ATRNL1: variants seen among roughly 807,000 people sequenced by gnomAD.
The protein encoded by ATRNL1 is attractin-like protein 1.
Under a neutral mutation model 182.7 loss-of-function variants are expected in ATRNL1, and 95 were observed. That is an observed-to-expected ratio of 0.52 (90% confidence interval 0.44 to 0.62). The LOEUF is 0.62. Among genes scored for constraint, ATRNL1 ranks in the 20% least tolerant of loss-of-function variants. The pLI, the probability that ATRNL1 is intolerant of heterozygous loss-of-function variation, is 0.00. For missense variants in ATRNL1, 1,471 were observed against 1,679.5 expected (o/e 0.88, Z 2.17); for synonymous variants, 576 against 568.3 (o/e 1.01, Z -0.19).
intron 20 of ATRNL1, among the ~76,000 whole-genome samples, chr10:115,400,883 G>A (rs187487342): frequency 6.6e-6 from 1 of 151,938 alleles, no homozygotes; most frequent in Non-Finnish European, 1.5e-5. Flanking sequence ...ACGGGTCTTG[G>A]ATCTTTATTC....
At chr10:115,240,932 A>G (rs574902754) in intron 9 of ATRNL1, among the ~76,000 whole-genome samples, 305 of 152,172 alleles carry the variant, frequency 2.0e-3, no homozygotes, top group African/African-American at 7.1e-3. Flanking sequence ...GAGCAAATGT[A>G]CCTATTCATC....
chr10:115,735,194 A>G (rs1370709683), intron 27 of ATRNL1, among the ~76,000 whole-genome samples: 5 of 152,198 alleles, frequency 3.3e-5, no homozygotes, highest in Non-Finnish European at 7.3e-5. Context: ...GTCTTTAAGT[A>G]ATGCCTTTAG....
chr10:115,133,453 G>A (rs1297027499), intron 5 of ATRNL1, among the ~76,000 whole-genome samples: 4 of 151,640 alleles, frequency 2.6e-5, no homozygotes, highest in Admixed American at 6.6e-5. Flanking sequence ...GATAAAGAAG[G>A]CCATTACTTA....
At chr10:115,835,319 C>T (rs1950644840) in intron 27 of ATRNL1, among the ~76,000 whole-genome samples, 1 of 152,138 alleles carries the variant, frequency 6.6e-6, no homozygotes, top group Non-Finnish European at 1.5e-5. Flanking sequence ...TACATTGAAT[C>T]ATTTGAATGC....
chr10:115,556,314 T>C (rs1185447544), intron 26 of ATRNL1, among the ~76,000 whole-genome samples: 1 of 152,174 alleles, frequency 6.6e-6, no homozygotes, highest in Non-Finnish European at 1.5e-5. Context: ...ATGTCATTCA[T>C]ATTTATACAG....
intron 28 of ATRNL1, among the ~76,000 whole-genome samples, chr10:115,851,358 A>AT (rs57234888): frequency 1.1e-4 from 17 of 150,840 alleles, no homozygotes; most frequent in South Asian, 4.2e-4. Flanking sequence ...GCAGCTAGTG[A>AT]TTTTTTTTTT....
At chr10:115,445,549 G>GTGTA (rs1396757774) in intron 21 of ATRNL1, among the ~76,000 whole-genome samples, 1 of 135,930 alleles carries the variant, frequency 7.4e-6, no homozygotes, top group Non-Finnish European at 1.6e-5. Flanking sequence ...GTGTGTGTGT[G>GTGTA]TGTACACTTA....
At chr10:115,529,938 C>A (rs1388730984) in intron 25 of ATRNL1, among the ~76,000 whole-genome samples, 2 of 152,088 alleles carry the variant, frequency 1.3e-5, no homozygotes, top group Admixed American at 6.6e-5. Flanking sequence ...ACTTTCTGTC[C>A]ATAGATTTGC....
intron 26 of ATRNL1, among the ~76,000 whole-genome samples, chr10:115,549,810 T>C (rs1441246462): frequency 6.6e-6 from 1 of 151,982 alleles, no homozygotes; most frequent in Non-Finnish European, 1.5e-5. Flanking sequence ...GTTTAAAAAA[T>C]TTTGTAATAT....
rs1554902942 is a variant in ATRNL1 at position 115,241,723 on chromosome 10, T to C, written c.1685T>C (p.Ile562Thr). ...TCTGCCGATTTCCTGGCATATGACA[T>C]AGGTATGTATCTGTTAGGATTGTAC... is the stretch of plus-strand genomic sequence containing the variant. ...CFSADFLAYD[I>T]ACDEWKILPK... The change falls in exon 10 of 29, where the codon ATA becomes ACA. Residue 562 changes from isoleucine (I) to threonine (T), a missense_variant and splice_region_variant. This residue lies in a region of ATRNL1 where 1,031 missense variants were observed against 1,156.0 expected (regional missense o/e 0.89). Coordinates refer to ENST00000355044, the MANE Select transcript of ATRNL1 (RefSeq NM_207303.4). 3 of 1,607,940 alleles carry C rather than the reference T, an allele frequency of 1.9e-6. No individual in the cohort carries two copies. The highest frequency in any genetic ancestry group is 2.7e-5 in the African/African-American group (2 of 74,866).
chr10:115,391,791 GT>G (rs538766275), intron 19 of ATRNL1, among the ~76,000 whole-genome samples: 28 of 148,014 alleles, frequency 1.9e-4, no homozygotes, highest in Admixed American at 9.4e-4. Flanking sequence ...CTCCTCTAGA[GT>G]TTTTTTTTTA....
At chr10:115,784,766 TG>T (rs1949355563) in intron 27 of ATRNL1, among the ~76,000 whole-genome samples, 2 of 152,302 alleles carry the variant, frequency 1.3e-5, no homozygotes, top group African/African-American at 4.8e-5. Flanking sequence ...TGTTTTCACA[TG>T]GCCTTCTTAT....
At chr10:115,133,369 G>GA (rs1434297006) in intron 5 of ATRNL1, among the ~76,000 whole-genome samples, 3 of 151,772 alleles carry the variant, frequency 2.0e-5, no homozygotes, top group Admixed American at 6.6e-5. Context: ...GTAGCAAATG[G>GA]AAAACAAAAA....
intron 28 of ATRNL1, among the ~76,000 whole-genome samples, chr10:115,864,715 G>A (rs1232396237): frequency 1.3e-5 from 2 of 152,192 alleles, no homozygotes; most frequent in Non-Finnish European, 2.9e-5. Context: ...GGGCGCGGTG[G>A]CTCACGCCTG....
At chr10:115,477,029 C>T (rs561555000) in intron 24 of ATRNL1, among the ~76,000 whole-genome samples, 1 of 151,492 alleles carries the variant, frequency 6.6e-6, no homozygotes, top group East Asian at 2.0e-4. Context: ...ATATATTTCT[C>T]TGGAGAAAGG....
At chr10:115,177,903 G>GTTTTTTTTTGTT (rs147613896) in intron 8 of ATRNL1, among the ~76,000 whole-genome samples, 1 of 102,062 alleles carries the variant, frequency 9.8e-6, no homozygotes, top group Non-Finnish European at 1.9e-5. Flanking sequence ...TTGTTTTTTT[G>GTTTTTTTTTGTT]TTTTTTTTGT....
intron 9 of ATRNL1, among the ~76,000 whole-genome samples, chr10:115,224,914 C>G (rs1190667526): frequency 6.6e-6 from 1 of 152,086 alleles, no homozygotes; most frequent in African/African-American, 2.4e-5. Flanking sequence ...AGGCCGTGAT[C>G]ACTTTACTGG....
intron 26 of ATRNL1, among the ~76,000 whole-genome samples, chr10:115,622,210 C>T (rs1857814363): frequency 6.6e-6 from 1 of 152,164 alleles, no homozygotes; most frequent in African/African-American, 2.4e-5. Flanking sequence ...CTATAGGATT[C>T]ATAGACCTAT....
chr10:115,395,685 T>C (rs1263091993), intron 20 of ATRNL1, among the ~76,000 whole-genome samples: 7 of 151,788 alleles, frequency 4.6e-5, no homozygotes, highest in Non-Finnish European at 1.0e-4. Context: ...GCAGGAACCC[T>C]CTACTGCTAC....
Sources: gnomAD v4.1 joint callset for allele counts (sites outside exome capture counted in the v4.1 genomes callset) on GRCh38, gnomAD v4.1.1 for gene constraint, gnomAD v4.1.1 regional missense constraint, MANE v1.5 for transcripts, NCBI Gene and HGNC (gene_info 2026-07-23, HGNC 2026-07-21) for gene names.